Variants in SLFN11 observed in about 807,000 individuals in gnomAD.
The protein encoded by SLFN11 is schlafen family member 11.
In SLFN11, 43 loss-of-function variants were observed where a neutral mutation model predicts 53.4. The ratio of observed to expected loss-of-function variants is 0.80; its 90% CI spans 0.63 to 1.04. The LOEUF (loss-of-function observed/expected upper bound fraction) is 1.04. Among genes scored for constraint, SLFN11 ranks in the 50% least tolerant of loss-of-function variants. The pLI, the probability that SLFN11 is intolerant of heterozygous loss-of-function variation, is 0.00. For synonymous variants in SLFN11, 389 were observed against 394.7 expected, an observed-to-expected ratio of 0.99 and a Z score of 0.17; for missense variants, 990 against 1,079.1, an observed-to-expected ratio of 0.92 and a Z score of 1.16.
rs1906751974 is a variant in SLFN11 at position 35,352,132 on chromosome 17, A to G, written c.*224T>C. On this transcript the variant is annotated 3_prime_UTR_variant, in exon 7 of 7. Coordinates refer to ENST00000685675, the MANE Select transcript of SLFN11 (RefSeq NM_001376007.1). ...GCTAAAGTTCCTTTAGAAAACCACC[A>G]TCTTTCTGGCTGGAAGAGTCAGGGG... 1.7e-6 allele frequency: 1 copy of G among 594,926 alleles called. No homozygotes were observed. Among genetic ancestry groups the G allele is most frequent in the African/African-American group, 1.9e-5 (1 of 53,814 alleles). 36.9% of individuals were successfully genotyped at this position (594,926 alleles called of 1,614,324 possible).
chr17:35,364,977 G>A (rs753171173), intron 3 of SLFN11, among the ~76,000 whole-genome samples: 1 of 152,034 alleles, frequency 6.6e-6, no homozygotes, highest in Non-Finnish European at 1.5e-5. Context: ...TTATTAAGAT[G>A]GGAAAGGCCT....
chr17:35,358,902 T>A (rs1907851268), intron 5 of SLFN11, among the ~76,000 whole-genome samples: 1 of 152,052 alleles, frequency 6.6e-6, no homozygotes, highest in Non-Finnish European at 1.5e-5. Context: ...CCTATAGTCT[T>A]AGCTTCTCAA....
At chr17:35,368,334 G>C (rs577482673) in intron 1 of SLFN11, among the ~76,000 whole-genome samples, 1 of 152,186 alleles carries the variant, frequency 6.6e-6, no homozygotes, top group South Asian at 2.1e-4. Flanking sequence ...CTTGGGGAAG[G>C]GAGGGCACAG....
At position 35,362,983 on chromosome 17, in the gene SLFN11, T is replaced by C; in HGVS notation, c.825A>G (p.Glu275=). The stretch of plus-strand genomic sequence containing the variant: ...CACAAGGTAGTTTGTATATGGCTTG[T>C]TCTATTTTCCTTCTCAAAGAGTCAG... ...VDPDSLRRKI[E]QAIYKLPCVH... Residue 275 remains glutamate, a synonymous_variant, in exon 4 of 7, where the codon GAA becomes GAG. Transcript: ENST00000685675. The C allele has an allele frequency of 6.2e-7, 1 of 1,614,010 alleles. No homozygotes were observed. The highest frequency in any genetic ancestry group is 8.5e-7 in the Non-Finnish European group (1 of 1,179,954).
intron 5 of SLFN11, among the ~76,000 whole-genome samples, chr17:35,359,178 C>G (rs1907887780): frequency 6.6e-6 from 1 of 151,872 alleles, no homozygotes; most frequent in Non-Finnish European, 1.5e-5. Context: ...GGCATATAGC[C>G]CATTATTTTG....
rs1048708928 is a variant in SLFN11 at position 35,373,194 on chromosome 17, G to A, written c.-235+280C>T. ...AGAAACCGCGGCTGGCTGGCCAGGG[G>A]CTCTTCCAACTTCCAGCGGGAGCAG... is the stretch of plus-strand genomic sequence containing the variant. On this transcript the variant is annotated intron_variant, in intron 1 of 6. Coordinates refer to ENST00000685675, the MANE Select transcript of SLFN11 (RefSeq NM_001376007.1). Among the ~76,000 whole-genome samples the A allele has an allele frequency of 2.0e-5, 3 of 152,036 alleles. No individual in the cohort carries two copies. In the East Asian group the frequency reaches 5.8e-4, roughly 29 times the overall value.
intron 5 of SLFN11, among the ~76,000 whole-genome samples, chr17:35,354,581 C>T (rs539513859): frequency 6.6e-6 from 1 of 152,236 alleles, no homozygotes; most frequent in South Asian, 2.1e-4. Context: ...AGCGAATTTC[C>T]TGCAGTCCTG....
Position 35,362,996 on chromosome 17 carries a change from C to T in SLFN11, c.812G>A (p.Arg271Lys). 6.2e-7 allele frequency: 1 copy of T among 1,614,010 alleles called. No individual in the cohort carries two copies. Residue 271 changes from arginine (R) to lysine (K), a missense_variant, in exon 4 of 7, where the codon AGA becomes AAA. Physicochemically the swap from Arg to Lys is conservative, Grantham distance 26. This residue lies in a region of SLFN11 where 521 missense variants were observed against 516.2 expected (regional missense o/e 1.01). Coordinates refer to ENST00000685675, the MANE Select transcript of SLFN11 (RefSeq NM_001376007.1). ...GTATATGGCTTGTTCTATTTTCCTTCTCAAAGAGTCAGGGTCAACATTTTC... is the reference window on the plus strand; with the variant it reads ...GTATATGGCTTGTTCTATTTTCCTTTTCAAAGAGTCAGGGTCAACATTTTC... The part of the protein sequence containing the change: ...AKENVDPDSL[R>K]RKIEQAIYKL...
At position 35,363,185 on chromosome 17, in the gene SLFN11, G is replaced by A. The variant is rs1458829699; in HGVS notation, c.623C>T (p.Pro208Leu). ...TTTAAACTCTACTAACTGAGACTCA[G>A]GAAAAGGCAGGATTTCACCATATTC... is the stretch of plus-strand genomic sequence containing the variant. ...YLEYGEILPF[P>L]ESQLVEFKQF... The change falls in exon 4 of 7, where the codon CCT becomes CTT. Residue 208 changes from proline (P) to leucine (L), a missense_variant. Pro to Leu is a moderately conservative substitution (Grantham distance 98). This residue lies in a region of SLFN11 where 521 missense variants were observed against 516.2 expected (regional missense o/e 1.01). Transcript: ENST00000685675. 1 of 1,614,034 alleles carries A rather than the reference G, an allele frequency of 6.2e-7. No individual in the cohort carries two copies. Among genetic ancestry groups the A allele is most frequent in the Non-Finnish European group, 8.5e-7 (1 of 1,179,998 alleles).
intron 4 of SLFN11, 69 bp from the exon 5 acceptor site, chr17:35,360,440 G>T: frequency 7.3e-7 from 1 of 1,362,776 alleles, no homozygotes; most frequent in Non-Finnish European, 1.0e-6. Context: ...TCTATCAGTA[G>T]GTGGAATGTG....
intron 1 of SLFN11, among the ~76,000 whole-genome samples, chr17:35,371,559 T>A (rs2141997559): frequency 6.6e-6 from 1 of 152,182 alleles, no homozygotes; most frequent in South Asian, 2.1e-4. Context: ...AGGAAATATT[T>A]GCAAATTAAC....
In SLFN11 at chr17:35,362,776, G is replaced by A. The variant is rs746027644; in HGVS notation, c.1032C>T (p.Thr344=). 1.3e-5 allele frequency: 21 copies of A among 1,591,716 alleles called. 1 individual carries two copies. Among genetic ancestry groups the A allele is most frequent in the Non-Finnish European group, 1.8e-5 (21 of 1,169,498 alleles). Residue 344 remains threonine, a synonymous_variant, in exon 4 of 7, where the codon ACC becomes ACT. Transcript: ENST00000685675. ...CTGTCATCATGCCTACCCATTTCTC[G>A]GTTGTCAGGCTGCAGACGTACTTGT... ...VEDKYVCSLT[T]EKWVGMMTDT... is the part of the protein sequence containing the mutation.
chr17:35,361,413 C>A (rs145622975), intron 4 of SLFN11, among the ~76,000 whole-genome samples: 1,628 of 152,170 alleles, frequency 0.011, 39 homozygotes, highest in Admixed American at 0.054. Context: ...GTACTGAGGA[C>A]AAACCTTGAA....
chr17:35,370,617 A>C (rs1001345061), intron 1 of SLFN11, among the ~76,000 whole-genome samples: 1 of 152,178 alleles, frequency 6.6e-6, no homozygotes, highest in Admixed American at 6.5e-5. Flanking sequence ...TGATAAACAA[A>C]TTCAGTAAAG....
rs150720174 is a variant in SLFN11, at chr17:35,363,002, G to C, written c.806C>G (p.Ser269Cys). The C allele has an allele frequency of 9.1e-4, 1,463 of 1,613,902 alleles. 5 individuals carry two copies. Among genetic ancestry groups the C allele is most frequent in the Non-Finnish European group, 1.1e-3 (1,349 of 1,179,998 alleles). The change falls in exon 4 of 7, where the codon TCT becomes TGT. Residue 269 changes from serine to cysteine, a missense_variant. Transcript: ENST00000685675. ...GGCTTGTTCTATTTTCCTTCTCAAA[G>C]AGTCAGGGTCAACATTTTCTTTTGC... ...GCAKENVDPD[S>C]LRRKIEQAIY...
chr17:35,372,433 G>A (rs1909803431), intron 1 of SLFN11, among the ~76,000 whole-genome samples: 1 of 152,042 alleles, frequency 6.6e-6, no homozygotes, highest in South Asian at 2.1e-4. Flanking sequence ...ACAATTGTAC[G>A]TTTTTAAATA....
At chr17:35,357,255 A>G (rs1484659909) in intron 5 of SLFN11, among the ~76,000 whole-genome samples, 2 of 150,456 alleles carry the variant, frequency 1.3e-5, no homozygotes, top group East Asian at 3.9e-4. Context: ...GGTTGCAAAT[A>G]TTTTTTCTAC....
rs1306608521 is a variant in SLFN11 at position 35,366,987 on chromosome 17, AC to A, written c.-61del. On this transcript the variant is annotated 5_prime_UTR_variant, in exon 3 of 7. Coordinates refer to ENST00000685675, the MANE Select transcript of SLFN11 (RefSeq NM_001376007.1). ...CTCAGGCGGCTGAGGTGAGAGAATC[AC>A]CTGAGCCTTCGAGACGAGATTGTGG... 6.6e-6 allele frequency: 1 copy of A among 151,224 alleles called. No homozygotes were observed. The highest frequency in any genetic ancestry group is 1.9e-4 in the East Asian group (1 of 5,154). The allele number at this position is 151,224 out of a possible 1,614,324, so 9.4% of individuals were successfully genotyped here.
chr17:35,360,791 T>A (rs1908109566), intron 4 of SLFN11, among the ~76,000 whole-genome samples: 1 of 152,122 alleles, frequency 6.6e-6, no homozygotes, highest in East Asian at 1.9e-4. Flanking sequence ...GATTTGTAAT[T>A]ACCATTACTC....
Sources: gnomAD v4.1 joint callset for allele counts (sites outside exome capture counted in the v4.1 genomes callset) on GRCh38, gnomAD v4.1.1 for gene constraint, gnomAD v4.1.1 regional missense constraint, MANE v1.5 for transcripts, NCBI Gene and HGNC (gene_info 2026-07-23, HGNC 2026-07-21) for gene names.